CLVS1: variants seen among roughly 807,000 people sequenced by gnomAD.
The protein encoded by CLVS1 is clavesin-1.
A neutral mutation model predicts 33.1 loss-of-function variants in CLVS1; 10 were observed. The ratio of observed to expected loss-of-function variants is 0.30; its 90% CI spans 0.19 to 0.51. The LOEUF is 0.51. Ranked by LOEUF, CLVS1 falls within the 20% of genes least tolerant of loss-of-function variation. The pLI is 0.97. For synonymous variants in CLVS1, 163 were observed against 166.1 expected, an observed-to-expected ratio of 0.98 and a Z score of 0.14; for missense variants, 343 against 433.4, an observed-to-expected ratio of 0.79 and a Z score of 1.85.
chr8:61,298,121 T>G (rs1455441009), intron 1 of CLVS1, among the ~76,000 whole-genome samples: 2 of 152,160 alleles, frequency 1.3e-5, no homozygotes, highest in East Asian at 3.8e-4. Flanking sequence ...TAGATTGCAA[T>G]GAGTGTAGGG....
At chr8:61,291,006 A>C (rs1809968589) in intron 1 of CLVS1, among the ~76,000 whole-genome samples, 1 of 152,176 alleles carries the variant, frequency 6.6e-6, no homozygotes, top group Non-Finnish European at 1.5e-5. Context: ...TTGCCAATCT[A>C]AGTTTTTCTT....
intron 3 of CLVS1, among the ~76,000 whole-genome samples, chr8:61,418,647 T>G (rs1342086233): frequency 6.6e-6 from 1 of 152,128 alleles, no homozygotes; most frequent in Non-Finnish European, 1.5e-5. Context: ...ACTCAATATA[T>G]TGTTGTTTTG....
intron 2 of CLVS1, among the ~76,000 whole-genome samples, chr8:61,341,529 A>C (rs1471083122): frequency 1.3e-5 from 2 of 152,208 alleles, no homozygotes; most frequent in African/African-American, 4.8e-5. Context: ...CTCAAACATC[A>C]GAGAACCCTA....
intron 2 of CLVS1, among the ~76,000 whole-genome samples, chr8:61,304,384 G>C (rs1810541010): frequency 6.6e-6 from 1 of 152,214 alleles, no homozygotes; most frequent in Non-Finnish European, 1.5e-5. Context: ...AACTGGCCTT[G>C]CCTGGGCATT....
intron 1 of CLVS1, among the ~76,000 whole-genome samples, chr8:61,082,823 T>C (rs1172825626): frequency 1.3e-5 from 2 of 152,144 alleles, no homozygotes; most frequent in East Asian, 1.9e-4. Flanking sequence ...GGTGGGAGGA[T>C]TGTTTGAGCT....
the CLVS1 span, among the ~76,000 whole-genome samples, chr8:60,979,623 C>T: frequency 1.3e-5 from 2 of 152,326 alleles, no homozygotes; most frequent in South Asian, 4.1e-4. Context: ...GTGCTCAAAT[C>T]TGCACACAGA....
chr8:61,449,536 T>C (rs1816878611), intron 3 of CLVS1, among the ~76,000 whole-genome samples: 1 of 152,202 alleles, frequency 6.6e-6, no homozygotes, highest in South Asian at 2.1e-4. Context: ...CTAGCATGGT[T>C]AGGAAGGGAC....
At chr8:61,242,788 G>C (rs1385698491) in intron 2 of CLVS1, among the ~76,000 whole-genome samples, 1 of 146,068 alleles carries the variant, frequency 6.8e-6, no homozygotes, top group Non-Finnish European at 1.5e-5. Flanking sequence ...GCAGGACCCT[G>C]CCTCAAAAAA....
intron 1 of CLVS1, among the ~76,000 whole-genome samples, chr8:61,293,505 G>T (rs1228676251): frequency 6.6e-6 from 1 of 152,128 alleles, no homozygotes; most frequent in Non-Finnish European, 1.5e-5. Context: ...GGCTGTAAGG[G>T]AGTGTATTAT....
chr8:61,385,932 C>T (rs1183868788), intron 3 of CLVS1, among the ~76,000 whole-genome samples: 1 of 152,132 alleles, frequency 6.6e-6, no homozygotes, highest in East Asian at 1.9e-4. Context: ...ACAAGCATTT[C>T]CAATTAGAAA....
At chr8:60,966,334 C>A in the CLVS1 span, 1 of 455,000 alleles carries the variant, frequency 2.2e-6, no homozygotes, top group South Asian at 1.6e-5. Flanking sequence ...GCCTTTTTGT[C>A]TTCTCCTTTT....
Position 61,372,144 on chromosome 8 carries a change from A to G in CLVS1, c.456-4461A>G, listed in dbSNP as rs373174551. Among the ~76,000 whole-genome samples, 327 of 152,170 alleles carry G rather than the reference A, an allele frequency of 2.1e-3. 2 individuals carry two copies. The highest frequency in any genetic ancestry group is 7.2e-3 in the African/African-American group (300 of 41,576). On this transcript the variant is annotated intron_variant, in intron 2 of 5. Transcript: ENST00000325897. ...TTCATTTTGATACAAGTGCTAAAAT[A>G]CTCTGATAGAATTGTGATTGCAGGC...
At chr8:60,967,481 A>C in the CLVS1 span, 7 of 342,410 alleles carry the variant, frequency 2.0e-5, no homozygotes, top group Non-Finnish European at 4.1e-5. Flanking sequence ...TAAATCGTGA[A>C]GCTACCAAGG....
In CLVS1 at chr8:61,499,470, A is replaced by G. The variant is rs1378384207; in HGVS notation, c.993A>G (p.Val331=). ...CTCTTGTTAGATCTCAGTCTGTGGT[A>G]GAAGCTGGGACCCTGAAACATGAGG... ...PKLMKRSQSV[V]EAGTLKHEEK... is the part of the protein sequence containing the mutation. Residue 331 remains valine (V), a synonymous_variant, in exon 6 of 6, where the codon GTA becomes GTG. Transcript: ENST00000325897. The G allele has an allele frequency of 6.2e-7, 1 of 1,613,120 alleles. No homozygotes were observed. The highest frequency in any genetic ancestry group is 8.5e-7 in the Non-Finnish European group (1 of 1,179,222).
At chr8:61,012,846 A>G in the CLVS1 span, among the ~76,000 whole-genome samples, 1 of 152,164 alleles carries the variant, frequency 6.6e-6, no homozygotes, top group Non-Finnish European at 1.5e-5. Flanking sequence ...TTACTTTGCA[A>G]ACAAAACATG....
At chr8:61,136,150 G>A (rs1174102321) in intron 2 of CLVS1, among the ~76,000 whole-genome samples, 1 of 152,230 alleles carries the variant, frequency 6.6e-6, no homozygotes, top group African/African-American at 2.4e-5. Flanking sequence ...TAAGGTTTGA[G>A]AACCATTGTT....
At chr8:61,234,092 G>A (rs985729576) in intron 2 of CLVS1, among the ~76,000 whole-genome samples, 2 of 152,166 alleles carry the variant, frequency 1.3e-5, no homozygotes, top group African/African-American at 4.8e-5. Context: ...AGGTGGCAGT[G>A]GCAAGGGTAG....
At chr8:61,424,340 A>G (rs1210487537) in intron 3 of CLVS1, among the ~76,000 whole-genome samples, 2 of 152,266 alleles carry the variant, frequency 1.3e-5, no homozygotes, top group African/African-American at 4.8e-5. Context: ...TTCAGCACAC[A>G]GCACTACAAT....
At chr8:61,161,841 A>G (rs549882502) in intron 2 of CLVS1, among the ~76,000 whole-genome samples, 30 of 152,372 alleles carry the variant, frequency 2.0e-4, no homozygotes, top group South Asian at 4.1e-4. Context: ...TATGTTGATT[A>G]GCTTAATAAG....
Sources: allele counts gnomAD v4.1 joint callset (sites outside exome capture counted in the v4.1 genomes callset), GRCh38; gene constraint gnomAD v4.1.1; transcripts MANE v1.5; gene names NCBI Gene and HGNC (gene_info 2026-07-23, HGNC 2026-07-21).